The following STK31 variants were observed in gnomAD, a reference collection of about 807,000 sequenced individuals.
The protein encoded by STK31 is serine/threonine kinase 31, also known as serine/threonine-protein kinase 31.
A neutral mutation model predicts 129.7 loss-of-function variants in STK31; 89 were observed. The ratio of observed to expected loss-of-function variants is 0.69; its 90% CI spans 0.58 to 0.82. STK31 has a LOEUF of 0.82. Among genes scored for constraint, STK31 ranks in the 40% least tolerant of loss-of-function variants. The pLI, the probability that STK31 is intolerant of heterozygous loss-of-function variation, is 0.00. For missense variants in STK31, 1,187 were observed against 1,176.4 expected (o/e 1.01, Z -0.13); for synonymous variants, 448 against 395.3 (o/e 1.13, Z -1.58).
intron 8 of STK31, 29 bp from the exon 9 acceptor site, chr7:23,752,688 C>T (rs1241042262): frequency 2.0e-6 from 3 of 1,522,040 alleles, no homozygotes; most frequent in Non-Finnish European, 2.7e-6. Flanking sequence ...ATTTGGGTCT[C>T]ACGAGAATGT....
At chr7:23,770,592 C>T (rs1044161853) in intron 13 of STK31, among the ~76,000 whole-genome samples, 8 of 152,036 alleles carry the variant, frequency 5.3e-5, no homozygotes, top group African/African-American at 1.9e-4. Flanking sequence ...TGGTGTAATA[C>T]GGGTAAAGTT....
At chr7:23,831,997 G>A in intron 23 of STK31, 139 bp from the exon 24 acceptor site, 2 of 622,410 alleles carry the variant, frequency 3.2e-6, no homozygotes, top group Non-Finnish European at 5.7e-6. Flanking sequence ...TTTGTTGAGG[G>A]GAGTACCAGA....
At chr7:23,781,731 G>GATT (rs1393713524) in intron 16 of STK31, among the ~76,000 whole-genome samples, 1 of 152,152 alleles carries the variant, frequency 6.6e-6, no homozygotes, top group Non-Finnish European at 1.5e-5. Flanking sequence ...GGAAATAACT[G>GATT]AAAATTGTAA....
At chr7:23,795,838 C>T (rs572515800) in intron 22 of STK31, among the ~76,000 whole-genome samples, 1 of 152,296 alleles carries the variant, frequency 6.6e-6, no homozygotes, top group Non-Finnish European at 1.5e-5. Context: ...TTGTTTTGGC[C>T]AATTTCTCCC....
chr7:23,717,506 T>C lies in STK31; in HGVS notation c.176T>C (p.Met59Thr). ...AGTATCAATAGAAATAAGGATATCATGAAGATTGGTTGCTCACTGTCTGAA... is the reference window on the plus strand; with the variant it reads ...AGTATCAATAGAAATAAGGATATCACGAAGATTGGTTGCTCACTGTCTGAA... ...AQSINRNKDIMKIGCSLSEVC... is the reference protein window; with the variant it reads ...AQSINRNKDITKIGCSLSEVC... The change falls in exon 4 of 24, where the codon ATG becomes ACG. Residue 59 changes from methionine to threonine, a missense_variant. Around this residue, in one of 5 missense-constraint regions of STK31, gnomAD observed 104 missense variants for 98.3 expected, o/e 1.06. Coordinates refer to ENST00000355870, the MANE Select transcript of STK31 (RefSeq NM_031414.5). 2 of 1,612,496 alleles carry C rather than the reference T, an allele frequency of 1.2e-6. No individual in the cohort carries two copies. Among genetic ancestry groups the C allele is most frequent in the Non-Finnish European group, 1.7e-6 (2 of 1,178,926 alleles).
At chr7:23,745,050 C>G (rs145044572) in intron 8 of STK31, among the ~76,000 whole-genome samples, 2 of 152,256 alleles carry the variant, frequency 1.3e-5, no homozygotes, top group East Asian at 3.9e-4. Context: ...CCTGTGCTTT[C>G]CAAGTGGTCT....
chr7:23,793,549 C>T lies in STK31; in HGVS notation c.2760+2603C>T, dbSNP rs145284288. Among the ~76,000 whole-genome samples, 411 of 152,278 alleles carry T rather than the reference C, an allele frequency of 2.7e-3. 1 individual carries two copies. The highest frequency in any genetic ancestry group is 4.8e-3 in the Admixed American group (73 of 15,302). Reference sequence around the variant, plus strand: ...GCTCCTACAATCAATACTAAGAAGACTGCCCAGTTAAGAAATGGGCAAAAT... The same window carrying T: ...GCTCCTACAATCAATACTAAGAAGATTGCCCAGTTAAGAAATGGGCAAAAT... On this transcript the variant is annotated intron_variant, in intron 22 of 23. Coordinates refer to ENST00000355870, the MANE Select transcript of STK31 (RefSeq NM_031414.5).
intron 22 of STK31, among the ~76,000 whole-genome samples, chr7:23,805,602 G>C (rs914578072): frequency 1.3e-5 from 2 of 151,980 alleles, no homozygotes; most frequent in Non-Finnish European, 2.9e-5. Context: ...TCCTGCCTTA[G>C]CCCCCTGAGT....
Position 23,721,447 on chromosome 7 carries a change from A to ACCT in STK31, c.249+3868_249+3869insCCT, listed in dbSNP as rs141149489. On this transcript the variant is annotated intron_variant, in intron 4 of 23. Coordinates refer to ENST00000355870, the MANE Select transcript of STK31 (RefSeq NM_031414.5). ...GATCTTTTTCTTCCTCTTCTTTGTTATCTTCCATTTTTTCATCCTCCTCTC... is the reference window on the plus strand; with the variant it reads ...GATCTTTTTCTTCCTCTTCTTTGTTACCTTCTTCCATTTTTTCATCCTCCTCTC... 15 of 1,070,922 alleles carry ACCT rather than the reference A, an allele frequency of 1.4e-5. No homozygotes were observed. In the Admixed American group the frequency reaches 2.5e-4, roughly 18 times the overall value. 66.3% of individuals were successfully genotyped at this position (1,070,922 alleles called of 1,614,324 possible).
chr7:23,739,055 G>A (rs911083467), intron 8 of STK31, among the ~76,000 whole-genome samples: 4 of 152,214 alleles, frequency 2.6e-5, no homozygotes, highest in Non-Finnish European at 5.9e-5. Flanking sequence ...TTGCCACACT[G>A]TCTTCCGCAA....
In STK31 at chr7:23,794,015, A is replaced by G. The variant is rs780507508; in HGVS notation, c.2760+3069A>G. Among the ~76,000 whole-genome samples the G allele has an allele frequency of 6.3e-4, 96 of 152,370 alleles. 1 individual carries two copies. Among genetic ancestry groups the G allele is most frequent in the Admixed American group, 1.2e-3 (18 of 15,308 alleles). ...CAGATGAATGGAAAAACAGTCTGCT[A>G]TGTATGTGTCTATCCATTGGAATAC... is the stretch of plus-strand genomic sequence containing the variant. On this transcript the variant is annotated intron_variant, in intron 22 of 23. Transcript: ENST00000355870.
intron 23 of STK31, among the ~76,000 whole-genome samples, chr7:23,828,447 G>A (rs935202493): frequency 1.3e-5 from 2 of 152,156 alleles, no homozygotes; most frequent in Non-Finnish European, 2.9e-5. Flanking sequence ...TTGGAAAAGC[G>A]CAGTATTAGG....
intron 23 of STK31, among the ~76,000 whole-genome samples, chr7:23,828,736 C>A (rs1486619312): frequency 6.6e-6 from 1 of 152,142 alleles, no homozygotes; most frequent in Non-Finnish European, 1.5e-5. Context: ...ATCTTGGCTC[C>A]ACCCCCTGAC....
rs569820211 is a variant in STK31, at chr7:23,769,917, T to A, written c.1713+161T>A. Among the ~76,000 whole-genome samples the A allele has an allele frequency of 2.0e-5, 3 of 152,306 alleles. No homozygotes were observed. In the East Asian group the frequency reaches 5.8e-4, roughly 29 times the overall value. ...TAGGCTTGTTGAAAGAGTAACAATG[T>A]CTAGTTCTAATCCAGACACCATGCA... On this transcript the variant is annotated intron_variant, in intron 13 of 23. Transcript: ENST00000355870.
intron 6 of STK31, among the ~76,000 whole-genome samples, chr7:23,730,682 CTGT>C (rs1370735923): frequency 2.0e-5 from 3 of 151,368 alleles, no homozygotes; most frequent in Non-Finnish European, 2.9e-5. Flanking sequence ...GAACTCAAGT[CTGT>C]TGTTCTTTTC....
chr7:23,794,622 AG>A (rs1163720321), intron 22 of STK31, among the ~76,000 whole-genome samples: 8 of 152,302 alleles, frequency 5.3e-5, no homozygotes, highest in African/African-American at 1.9e-4. Context: ...GGAACTTCCT[AG>A]AGACTTGTTG....
chr7:23,751,391 G>C (rs1252516227), intron 8 of STK31, among the ~76,000 whole-genome samples: 1 of 152,092 alleles, frequency 6.6e-6, no homozygotes, highest in Non-Finnish European at 1.5e-5. Context: ...TTTTGTTACT[G>C]ATTTCTAATT....
Position 23,775,886 on chromosome 7 carries a change from G to A in STK31, c.1965+3608G>A, listed in dbSNP as rs573824675. Among the ~76,000 whole-genome samples, 3 of 152,306 alleles carry A rather than the reference G, an allele frequency of 2.0e-5. No individual in the cohort carries two copies. In the South Asian group the frequency reaches 6.2e-4, roughly 32 times the overall value. Reference sequence around the variant, plus strand: ...ACTGTGTTAAATAGGAGTGGTGAGAGTGGGCATGCTTGTCCTGGTGACAGT... The same window carrying A: ...ACTGTGTTAAATAGGAGTGGTGAGAATGGGCATGCTTGTCCTGGTGACAGT... On this transcript the variant is annotated intron_variant, in intron 15 of 23. Transcript: ENST00000355870.
intron 23 of STK31, among the ~76,000 whole-genome samples, chr7:23,830,865 C>T (rs1392780111): frequency 2.0e-5 from 3 of 152,172 alleles, no homozygotes; most frequent in African/African-American, 7.2e-5. Flanking sequence ...AGTGATCCAC[C>T]TGCCTCCACC....
Sources: allele counts gnomAD v4.1 joint callset (sites outside exome capture counted in the v4.1 genomes callset), GRCh38; gene constraint gnomAD v4.1.1; regional missense constraint gnomAD v4.1.1; transcripts MANE v1.5; gene names NCBI Gene and HGNC (gene_info 2026-07-23, HGNC 2026-07-21).